ACTR1A: variants seen among roughly 807,000 people sequenced by gnomAD.
ACTR1A encodes the protein actin related protein 1A.
Under a neutral mutation model 50.7 loss-of-function variants are expected in ACTR1A, and 10 were observed. That is an observed-to-expected ratio of 0.20 (90% CI 0.12 to 0.33). The LOEUF is 0.33. Among genes scored for constraint, ACTR1A ranks in the 10% least tolerant of loss-of-function variants. ACTR1A has a pLI of 1.00. For synonymous variants in ACTR1A, 177 were observed against 184.2 expected (o/e 0.96, Z 0.32); for missense variants, 253 against 491.7 (o/e 0.51, Z 4.59).
chr10:102,489,014 T>C, intron 3 of ACTR1A, 49 bp downstream of exon 3: 1 of 1,397,056 alleles, frequency 7.2e-7, no homozygotes, highest in Non-Finnish European at 9.6e-7. Context: ...TGGTGAATAA[T>C]GAAGGTCCTC....
intron 4 of ACTR1A, among the ~76,000 whole-genome samples, chr10:102,486,159 A>ATCAGATCATC (rs1339033055): frequency 6.6e-6 from 1 of 152,186 alleles, no homozygotes; most frequent in African/African-American, 2.4e-5. Flanking sequence ...TCCACCTCCC[A>ATCAGATCATC]TCAGATCATC....
rs5870 is a variant in ACTR1A, at chr10:102,479,343, T to C, written c.*1520A>G. 0.51 allele frequency: 193,321 copies of C among 378,602 alleles called. 50,486 individuals carry two copies. The highest frequency in any genetic ancestry group is 0.61 in the Middle Eastern group (629 of 1,026). 23.5% of individuals were successfully genotyped at this position (378,602 alleles called of 1,614,324 possible). ...GGCTAAGAGAAGGGAGGTGAGTTGG[T>C]TAAGCGCACTGCAGTCCGCGGGGCG... On this transcript the variant is annotated 3_prime_UTR_variant, in exon 11 of 11. Coordinates refer to ENST00000369905, the MANE Select transcript of ACTR1A (RefSeq NM_005736.4). The surrounding 1 kb of genome is among the most constrained non-coding windows in gnomAD (Gnocchi z 4.0).
chr10:102,481,437 C>T (rs1282285827), intron 9 of ACTR1A, among the ~76,000 whole-genome samples: 1 of 152,182 alleles, frequency 6.6e-6, no homozygotes, highest in Admixed American at 6.5e-5. Flanking sequence ...CCTTTAGGAT[C>T]CCCGCTCTCC....
Position 102,482,791 on chromosome 10 carries a change from A to T in ACTR1A, c.750+220T>A. The stretch of plus-strand genomic sequence containing the variant: ...GACAGCTGCTGAGCTAAAAAAAAAA[A>T]TTGCAAAAGAATCTCATAATGTTTT... On this transcript the variant is annotated intron_variant, in intron 7 of 10. Coordinates refer to ENST00000369905, the MANE Select transcript of ACTR1A (RefSeq NM_005736.4). The surrounding 1 kb of genome is among the most constrained non-coding windows in gnomAD (Gnocchi z 5.6). 1.8e-6 allele frequency: 1 copy of T among 561,796 alleles called. No homozygotes were observed. 34.8% of individuals were successfully genotyped at this position (561,796 alleles called of 1,614,324 possible). A position where few individuals can be genotyped will look rare whatever the true frequency, so the allele number is the denominator to read the frequency against.
chr10:102,490,510 G>C (rs1234675152), intron 2 of ACTR1A, 39 bp downstream of exon 2: 1 of 1,560,698 alleles, frequency 6.4e-7, no homozygotes, highest in East Asian at 2.2e-5. Flanking sequence ...TAACAAAGCT[G>C]ATGAGCCTCC....
Position 102,482,152 on chromosome 10 carries a change from G to A in ACTR1A, c.774C>T (p.Ala258=). 6.2e-7 allele frequency: 1 copy of A among 1,613,574 alleles called. No individual in the cohort carries two copies. The highest frequency in any genetic ancestry group is 2.2e-5 in the East Asian group (1 of 44,872). ...TIEIGPSRFR[A]PELLFRPDLI... Reference sequence around the variant, plus strand: ...AATCTGGCCTGAAGAGCAACTCAGGGGCCCGGAATCGGGAAGGACCAATCT... The same window carrying A: ...AATCTGGCCTGAAGAGCAACTCAGGAGCCCGGAATCGGGAAGGACCAATCT... Residue 258 remains alanine (A), a synonymous_variant, in exon 8 of 11, where the codon GCC becomes GCT. Transcript: ENST00000369905. The surrounding 1 kb of genome is among the most constrained non-coding windows in gnomAD (Gnocchi z 5.6).
In ACTR1A at chr10:102,479,827, A is replaced by T; in HGVS notation, c.*1036T>A. The T allele has an allele frequency of 2.3e-6, 1 of 442,130 alleles. No homozygotes were observed. Among genetic ancestry groups the T allele is most frequent in the Non-Finnish European group, 3.9e-6 (1 of 259,632 alleles). The allele number at this position is 442,130 out of a possible 1,614,324, so 27.4% of individuals were successfully genotyped here. The stretch of plus-strand genomic sequence containing the variant: ...AAAGAAAAATTTTACCTCCTGTTTC[A>T]GAAAATCTAACCAGCAACCAGCCTG... On this transcript the variant is annotated 3_prime_UTR_variant, in exon 11 of 11. Coordinates refer to ENST00000369905, the MANE Select transcript of ACTR1A (RefSeq NM_005736.4). This position sits in a 1 kb window ranked among gnomAD's most constrained non-coding sequence, Gnocchi z 4.0.
At chr10:102,497,930 A>T (rs1481712484) in intron 1 of ACTR1A, among the ~76,000 whole-genome samples, 3 of 46,342 alleles carry the variant, frequency 6.5e-5, no homozygotes, top group African/African-American at 1.5e-4. Flanking sequence ...CCATTTCTAC[A>T]AAAAAAAAAA....
Position 102,482,118 on chromosome 10 carries a change from C to T in ACTR1A, c.808G>A (p.Glu270Lys), listed in dbSNP as rs2062145973. 6.2e-7 allele frequency: 1 copy of T among 1,614,144 alleles called. No homozygotes were observed. The highest frequency in any genetic ancestry group is 1.3e-5 in the African/African-American group (1 of 75,042). Residue 270 changes from glutamate (E) to lysine (K), a missense_variant, in exon 8 of 11, where the codon GAG (glutamate) becomes AAG (lysine). Physicochemically the swap from Glu to Lys is moderately conservative, Grantham distance 56 (BLOSUM62 1). Coordinates refer to ENST00000369905, the MANE Select transcript of ACTR1A (RefSeq NM_005736.4). This position sits in a 1 kb window ranked among gnomAD's most constrained non-coding sequence, Gnocchi z 5.6. ...ELLFRPDLIG[E>K]ESEGIHEVLV... is the part of the protein sequence containing the mutation. ...ACCTCGTGGATGCCTTCACTCTCCTCTCCAATCAAATCTGGCCTGAAGAGC... is the reference window on the plus strand; with the variant it reads ...ACCTCGTGGATGCCTTCACTCTCCTTTCCAATCAAATCTGGCCTGAAGAGC...
chr10:102,493,041 A>G (rs1564650455), intron 1 of ACTR1A, among the ~76,000 whole-genome samples: 1 of 147,842 alleles, frequency 6.8e-6, no homozygotes, highest in African/African-American at 2.5e-5. Context: ...GTTGAAGGGC[A>G]GAGAAAGTGG....
rs568785295 is a variant in ACTR1A at position 102,494,800 on chromosome 10, ATTAATT to A, written c.49-4193_49-4188del. The stretch of plus-strand genomic sequence containing the variant: ...TGGCAAAACGCTGTCTCTACAAAAT[ATTAATT>A]TTAATTTTAATTTTAATTTTTTTGA... On this transcript the variant is annotated intron_variant, in intron 1 of 10. Transcript: ENST00000369905. 9.5e-4 allele frequency among the ~76,000 whole-genome samples: 144 copies of A among 152,202 alleles called. No individual in the cohort carries two copies. In the East Asian group the frequency reaches 0.011, roughly 12 times the overall value.
chr10:102,481,229 C>G, intron 9 of ACTR1A, 57 bp from the exon 10 acceptor site: 1 of 1,502,762 alleles, frequency 6.7e-7, no homozygotes, highest in Non-Finnish European at 9.0e-7. Flanking sequence ...CTCCCTTTCC[C>G]TACAATGCTC....
At chr10:102,492,055 C>A (rs1230722508) in intron 1 of ACTR1A, among the ~76,000 whole-genome samples, 1 of 147,298 alleles carries the variant, frequency 6.8e-6, no homozygotes, top group Non-Finnish European at 1.5e-5. Flanking sequence ...AGGCGTGAGC[C>A]CACCGTGCCC....
intron 1 of ACTR1A, among the ~76,000 whole-genome samples, chr10:102,501,541 T>C (rs992542845): frequency 7.9e-5 from 12 of 152,212 alleles, no homozygotes; most frequent in Admixed American, 2.0e-4. Flanking sequence ...TTTTACAATT[T>C]TCTCCTTTCC....
rs1416486059 is a variant in ACTR1A at position 102,485,695 on chromosome 10, T to G, written c.354A>C (p.Arg118=). The part of the protein sequence containing the change: ...VLLTEAPLNP[R]KNRERAAEVF... ...CTTCGGCAGCTCGTTCCCGGTTTTT[T>G]CGTGGGTTTAAAGGCGCCTCAGTCA... Residue 118 remains arginine, a synonymous_variant, in exon 5 of 11, where the codon CGA becomes CGC. Coordinates refer to ENST00000369905, the MANE Select transcript of ACTR1A (RefSeq NM_005736.4). The G allele has an allele frequency of 6.2e-7, 1 of 1,613,998 alleles. No individual in the cohort carries two copies. The highest frequency in any genetic ancestry group is 1.3e-5 in the African/African-American group (1 of 74,932).
chr10:102,499,965 T>G (rs987445036), intron 1 of ACTR1A, among the ~76,000 whole-genome samples: 2 of 152,216 alleles, frequency 1.3e-5, no homozygotes, highest in Non-Finnish European at 2.9e-5. Flanking sequence ...CACACAGAGG[T>G]GCCAGACCCT....
chr10:102,487,205 C>T (rs2062173348), intron 4 of ACTR1A, among the ~76,000 whole-genome samples: 2 of 152,096 alleles, frequency 1.3e-5, no homozygotes. Context: ...TGCCTGAACC[C>T]AGGAGTTCGA....
chr10:102,500,773 C>CA (rs1330706948), intron 1 of ACTR1A, among the ~76,000 whole-genome samples: 1 of 150,426 alleles, frequency 6.6e-6, no homozygotes. Flanking sequence ...CCCCCCACAC[C>CA]AAAAAAAGAG....
At chr10:102,486,820 CTG>C (rs1290889336) in intron 4 of ACTR1A, among the ~76,000 whole-genome samples, 2 of 150,146 alleles carry the variant, frequency 1.3e-5, no homozygotes, top group Admixed American at 6.7e-5. Context: ...AGGTCTCACT[CTG>C]TCACCAGGCT....
Sources: allele counts gnomAD v4.1 joint callset (sites outside exome capture counted in the v4.1 genomes callset), GRCh38; gene constraint gnomAD v4.1.1; non-coding constraint Gnocchi (gnomAD v3.1); transcripts MANE v1.5; gene names NCBI Gene and HGNC (gene_info 2026-07-23, HGNC 2026-07-21).